The following EML1 variants were observed in gnomAD, a reference collection of about 807,000 sequenced individuals.
The protein encoded by EML1 is EMAP like 1, also known as echinoderm microtubule-associated protein-like 1.
In EML1, 27 loss-of-function variants were observed where a neutral mutation model predicts 110.4. The observed-to-expected ratio is 0.24, with a 90% CI of 0.18 to 0.34. EML1 has a LOEUF of 0.34. Ranked by LOEUF, EML1 falls within the 10% of genes least tolerant of loss-of-function variation. The pLI is 1.00. For synonymous variants in EML1, 344 were observed against 385.8 expected (o/e 0.89, Z 1.27); for missense variants, 741 against 1,030.9 (o/e 0.72, Z 3.85).
intron 17 of EML1, among the ~76,000 whole-genome samples, chr14:99,932,557 T>G (rs894672607): frequency 6.6e-6 from 1 of 150,898 alleles, no homozygotes; most frequent in Non-Finnish European, 1.5e-5. Context: ...GAGAATCGCT[T>G]GAACTCAGGA....
At chr14:99,807,707 T>A (rs963057685) in intron 1 of EML1, among the ~76,000 whole-genome samples, 72 of 152,294 alleles carry the variant, frequency 4.7e-4, no homozygotes, top group African/African-American at 1.7e-3. Flanking sequence ...GGAAGCCTGT[T>A]GATGCAGCCC....
chr14:99,871,695 A>G (rs573003252), intron 3 of EML1, among the ~76,000 whole-genome samples: 1 of 152,326 alleles, frequency 6.6e-6, no homozygotes, highest in South Asian at 2.1e-4. Flanking sequence ...AGAATTCGAA[A>G]TGCAGCCTGA....
chr14:99,885,035 C>T (rs181704165), intron 4 of EML1, among the ~76,000 whole-genome samples: 1 of 152,382 alleles, frequency 6.6e-6, no homozygotes, highest in Admixed American at 6.5e-5. Flanking sequence ...CTTCACCATG[C>T]TGCACACACC....
chr14:99,752,940 A>T (rs772307559), intron 1 of EML1, among the ~76,000 whole-genome samples: 1 of 152,178 alleles, frequency 6.6e-6, no homozygotes, highest in Admixed American at 6.5e-5. Context: ...GGAAGCTGGA[A>T]GGCAGGGCGT....
At chr14:99,861,743 A>G (rs2059006573) in intron 2 of EML1, among the ~76,000 whole-genome samples, 1 of 152,216 alleles carries the variant, frequency 6.6e-6, no homozygotes, top group East Asian at 1.9e-4. Flanking sequence ...CAGCCTCCCA[A>G]AGTGCTGAGA....
upstream of EML1, among the ~76,000 whole-genome samples, chr14:99,770,405 ATC>A (rs965041819): frequency 1.3e-5 from 2 of 151,704 alleles, no homozygotes; most frequent in Non-Finnish European, 2.9e-5. Flanking sequence ...CTATCTATCT[ATC>A]TTTTTTATTT....
At chr14:99,739,075 T>TGTGG (rs2057005683) in intron 1 of EML1, among the ~76,000 whole-genome samples, 1 of 122,868 alleles carries the variant, frequency 8.1e-6, no homozygotes, top group African/African-American at 3.9e-5. Context: ...AGTGTGTGTG[T>TGTGG]GTGTGTGTGT....
chr14:99,874,889 C>G, intron 3 of EML1: 5 of 1,562,288 alleles, frequency 3.2e-6, no homozygotes, highest in Non-Finnish European at 4.4e-6. Context: ...ATTAATTGCA[C>G]TCACATTTAT....
At chr14:99,741,056 C>T (rs2057035871) in intron 1 of EML1, among the ~76,000 whole-genome samples, 1 of 152,198 alleles carries the variant, frequency 6.6e-6, no homozygotes, top group Non-Finnish European at 1.5e-5. Flanking sequence ...TTCAGCAGAG[C>T]AATGAATGCA....
intron 6 of EML1, among the ~76,000 whole-genome samples, chr14:99,895,509 G>A (rs1196638592): frequency 1.3e-5 from 2 of 152,088 alleles, no homozygotes; most frequent in African/African-American, 4.8e-5. Flanking sequence ...TTGAGGAAAT[G>A]GGAGTATCCA....
intron 4 of EML1, chr14:99,883,190 T>G (rs571413329): frequency 6.6e-6 from 1 of 152,194 alleles, no homozygotes; most frequent in East Asian, 1.9e-4. Context: ...CCAGCACAAC[T>G]TTTTTCCTTT....
intron 1 of EML1, among the ~76,000 whole-genome samples, chr14:99,760,636 T>C (rs1000567311): frequency 1.3e-5 from 2 of 152,174 alleles, no homozygotes; most frequent in Non-Finnish European, 2.9e-5. Flanking sequence ...CCTTACAGCA[T>C]GCAAAGTGCT....
At chr14:99,889,530 G>A (rs1473260492) in intron 4 of EML1, among the ~76,000 whole-genome samples, 1 of 152,194 alleles carries the variant, frequency 6.6e-6, no homozygotes, top group East Asian at 1.9e-4. Flanking sequence ...AAAGCAGGAG[G>A]GGCGGGGGCT....
chr14:99,897,287 G>A lies in EML1; in HGVS notation c.820G>A (p.Val274Met), dbSNP rs749319570. The change falls in exon 7 of 22, where the codon GTG becomes ATG. Residue 274 changes from valine (V) to methionine (M), a missense_variant. Transcript: ENST00000262233. ...GCATTACGCTGGCCACAACGATGAC[G>A]TGAAGTGGTAAGTCCTGAAACAGGT... is the stretch of plus-strand genomic sequence containing the variant. Reference protein sequence around the residue: ...QRHYAGHNDDVKCLAVHPDRI... With the variant: ...QRHYAGHNDDMKCLAVHPDRI... 1.2e-6 allele frequency: 2 copies of A among 1,608,262 alleles called. No homozygotes were observed. Among genetic ancestry groups the A allele is most frequent in the Non-Finnish European group, 1.7e-6 (2 of 1,177,590 alleles).
intron 10 of EML1, 37 bp downstream of exon 10, chr14:99,907,770 T>C: frequency 1.2e-6 from 2 of 1,607,566 alleles, no homozygotes; most frequent in African/African-American, 1.3e-5. Flanking sequence ...GCATTAACAT[T>C]TTCCCATTCA....
intron 4 of EML1, among the ~76,000 whole-genome samples, chr14:99,880,628 C>T (rs1196600981): frequency 6.6e-6 from 1 of 152,176 alleles, no homozygotes; most frequent in Non-Finnish European, 1.5e-5. Flanking sequence ...GTCCATTGTT[C>T]CTGCAGGCTG....
chr14:99,818,714 G>C (rs1023254246), intron 1 of EML1, among the ~76,000 whole-genome samples: 6 of 150,904 alleles, frequency 4.0e-5, no homozygotes, highest in African/African-American at 1.5e-4. Context: ...GTGGTTGAGG[G>C]CCCCCTTGTT....
intron 17 of EML1, among the ~76,000 whole-genome samples, chr14:99,926,416 C>A (rs1354197625): frequency 6.6e-6 from 1 of 151,688 alleles, no homozygotes; most frequent in Non-Finnish European, 1.5e-5. Context: ...TCCTGAGTAG[C>A]TGGAACTACA....
intron 1 of EML1, chr14:99,737,985 C>A (rs1389880372): frequency 9.8e-7 from 1 of 1,020,608 alleles, no homozygotes; most frequent in Non-Finnish European, 1.3e-6. Flanking sequence ...TTCCTCCTTG[C>A]CCGACGCCTG....
Sources: allele counts gnomAD v4.1 joint callset (sites outside exome capture counted in the v4.1 genomes callset), GRCh38; gene constraint gnomAD v4.1.1; transcripts MANE v1.5; gene names NCBI Gene and HGNC (gene_info 2026-07-23, HGNC 2026-07-21).